The following ANKRD30B variants were observed in gnomAD, a reference collection of about 807,000 sequenced individuals.
ANKRD30B encodes ankyrin repeat domain-containing protein 30B.
Under a neutral mutation model 202.2 loss-of-function variants are expected in ANKRD30B, and 144 were observed. The ratio of observed to expected loss-of-function variants is 0.71; its 90% confidence interval spans 0.62 to 0.82. ANKRD30B has a LOEUF of 0.82. ANKRD30B is among the 40% of genes least tolerant of loss of function. The pLI is 0.00. For synonymous variants in ANKRD30B, 508 were observed against 561.3 expected (o/e 0.91, Z 1.34); for missense variants, 1,487 against 1,669.1 (o/e 0.89, Z 1.90).
intron 39 of ANKRD30B, among the ~76,000 whole-genome samples, chr18:14,845,147 T>G (rs1164144675): frequency 6.6e-6 from 1 of 152,002 alleles, no homozygotes; most frequent in Non-Finnish European, 1.5e-5. Flanking sequence ...TTTGATGTTT[T>G]AGTTCTGAAG....
At chr18:14,919,679 A>C in the ANKRD30B span, among the ~76,000 whole-genome samples, 1 of 152,248 alleles carries the variant, frequency 6.6e-6, no homozygotes, top group Non-Finnish European at 1.5e-5. Context: ...AGTTTCTAAC[A>C]TGATGAACAT....
Position 14,769,385 on chromosome 18 carries a change from C to A in ANKRD30B, c.1256+12C>A. The A allele has an allele frequency of 6.5e-7, 1 of 1,542,184 alleles. No homozygotes were observed. Among genetic ancestry groups the A allele is most frequent in the Non-Finnish European group, 8.8e-7 (1 of 1,142,126 alleles). On this transcript the variant is annotated intron_variant, in intron 8 of 43. Transcript: ENST00000690538. ...GAGCCTATATTCAGGTAAGACTTTG[C>A]GGTTTTTTAAAACGAATAGGTTAAC...
intron 9 of ANKRD30B, among the ~76,000 whole-genome samples, chr18:14,773,369 G>C (rs2143809248): frequency 6.6e-6 from 1 of 151,932 alleles, no homozygotes; most frequent in South Asian, 2.1e-4. Context: ...AAGATTTTAA[G>C]AGGTTTTCAA....
the ANKRD30B span, among the ~76,000 whole-genome samples, chr18:14,911,883 T>C: frequency 2.0e-5 from 3 of 152,180 alleles, no homozygotes; most frequent in Admixed American, 6.5e-5. Context: ...TTTAAAGATA[T>C]TGTAAATGGG....
the ANKRD30B span, among the ~76,000 whole-genome samples, chr18:14,927,115 G>A: frequency 6.6e-6 from 1 of 151,926 alleles, no homozygotes; most frequent in Non-Finnish European, 1.5e-5. Flanking sequence ...TTTAAAGTAA[G>A]TAATTTAAAA....
chr18:14,865,531 CA>C, the ANKRD30B span, among the ~76,000 whole-genome samples: 2 of 151,712 alleles, frequency 1.3e-5, no homozygotes, highest in Admixed American at 6.6e-5. Context: ...TCCATCTACC[CA>C]AAAACTTTTT....
intron 36 of ANKRD30B, among the ~76,000 whole-genome samples, chr18:14,839,566 G>C (rs550130449): frequency 6.6e-6 from 1 of 152,158 alleles, no homozygotes; most frequent in Admixed American, 6.5e-5. Context: ...GATGTTTCAC[G>C]AATACATGTT....
downstream of ANKRD30B, among the ~76,000 whole-genome samples, chr18:14,859,073 C>A (rs1972142619): frequency 7.5e-6 from 1 of 133,804 alleles, no homozygotes; most frequent in South Asian, 2.3e-4. Context: ...GGTGGCCGGG[C>A]AGAGGCGCTC....
the ANKRD30B span, among the ~76,000 whole-genome samples, chr18:14,907,424 T>G: frequency 6.6e-6 from 1 of 151,968 alleles, no homozygotes; most frequent in Admixed American, 6.6e-5. Flanking sequence ...GGGTCTGAGA[T>G]TGTGTTTGGT....
the ANKRD30B span, among the ~76,000 whole-genome samples, chr18:14,883,377 C>G: frequency 0.053 from 4,868 of 92,598 alleles, 105 homozygotes; most frequent in Admixed American, 0.078. Flanking sequence ...CTGTCTCTCT[C>G]TCTCTCTCTC....
the ANKRD30B span, among the ~76,000 whole-genome samples, chr18:14,879,254 C>G: frequency 1.3e-5 from 2 of 151,872 alleles, no homozygotes; most frequent in Non-Finnish European, 2.9e-5. Context: ...AAACCAAAAG[C>G]CCCTCTGAAT....
At chr18:14,920,959 T>C in the ANKRD30B span, among the ~76,000 whole-genome samples, 1 of 152,236 alleles carries the variant, frequency 6.6e-6, no homozygotes, top group African/African-American at 2.4e-5. Context: ...CAATGTTGTG[T>C]GATTGCTGAT....
chr18:14,798,737 G>T (rs577259449), intron 20 of ANKRD30B, among the ~76,000 whole-genome samples: 75 of 152,168 alleles, frequency 4.9e-4, no homozygotes, highest in African/African-American at 1.7e-3. Flanking sequence ...AGGAACCTTG[G>T]TGATGTGAAA....
chr18:14,774,995 C>T (rs1454463397), intron 9 of ANKRD30B, among the ~76,000 whole-genome samples: 9 of 152,148 alleles, frequency 5.9e-5, no homozygotes, highest in South Asian at 4.2e-4. Flanking sequence ...GGCGTGGTGG[C>T]GGGCGCCTGT....
chr18:14,934,553 A>G, the ANKRD30B span, among the ~76,000 whole-genome samples: 1 of 152,146 alleles, frequency 6.6e-6, no homozygotes, highest in Non-Finnish European at 1.5e-5. Context: ...GGATGAAGAC[A>G]TAGTACTCTG....
intron 36 of ANKRD30B, among the ~76,000 whole-genome samples, chr18:14,837,916 T>G (rs947555441): frequency 2.6e-5 from 4 of 152,108 alleles, no homozygotes; most frequent in Non-Finnish European, 4.4e-5. Flanking sequence ...TTTGGGAGAC[T>G]GAGGCAGGAG....
chr18:14,766,110 A>G (rs184127610), intron 7 of ANKRD30B, among the ~76,000 whole-genome samples: 1 of 152,270 alleles, frequency 6.6e-6, no homozygotes, highest in East Asian at 1.9e-4. Context: ...AAGCTAGGGG[A>G]CAGAGAAAAT....
At chr18:14,787,143 A>G (rs566843154) in intron 15 of ANKRD30B, 43 bp downstream of exon 15, 30 of 1,527,716 alleles carry the variant, frequency 2.0e-5, no homozygotes, top group Non-Finnish European at 2.6e-5. Flanking sequence ...GTATTGCATG[A>G]GATGAAAACA....
At chr18:14,790,841 C>T (rs1238963460) in intron 15 of ANKRD30B, among the ~76,000 whole-genome samples, 5 of 151,920 alleles carry the variant, frequency 3.3e-5, no homozygotes, top group Non-Finnish European at 7.4e-5. Context: ...GGATATTGGT[C>T]TAAAATTCTC....
Sources: allele counts gnomAD v4.1 joint callset (sites outside exome capture counted in the v4.1 genomes callset), GRCh38; gene constraint gnomAD v4.1.1; transcripts MANE v1.5; gene names NCBI Gene and HGNC (gene_info 2026-07-23, HGNC 2026-07-21).